EPB41L4B: variants seen among roughly 807,000 people sequenced by gnomAD.
EPB41L4B encodes the protein band 4.1-like protein 4B.
Under a neutral mutation model 112.5 loss-of-function variants are expected in EPB41L4B, and 30 were observed. That is an observed-to-expected ratio of 0.27 (90% confidence interval 0.20 to 0.36). The LOEUF (loss-of-function observed/expected upper bound fraction) is 0.36, where lower values mean the gene tolerates loss of function less well. Among genes scored for constraint, EPB41L4B ranks in the 10% least tolerant of loss-of-function variants. The pLI is 1.00. For missense variants in EPB41L4B, 1,024 were observed against 1,133.3 expected, an observed-to-expected ratio of 0.90 and a Z score of 1.38; for synonymous variants, 408 against 439.7, an observed-to-expected ratio of 0.93 and a Z score of 0.90.
chr9:109,254,895 T>C (rs1183292679), intron 11 of EPB41L4B, among the ~76,000 whole-genome samples: 1 of 152,230 alleles, frequency 6.6e-6, no homozygotes, highest in East Asian at 1.9e-4. Flanking sequence ...TTTCTGGACA[T>C]TGGCATGCAA....
chr9:109,175,595 C>A (rs1273382829), intron 25 of EPB41L4B, among the ~76,000 whole-genome samples: 2 of 151,616 alleles, frequency 1.3e-5, no homozygotes, highest in African/African-American at 2.4e-5. Flanking sequence ...AACTCCTGAA[C>A]TCCTGGCCTC....
intron 11 of EPB41L4B, 79 bp downstream of exon 11, chr9:109,255,432 C>T (rs1564297406): frequency 6.5e-7 from 1 of 1,544,566 alleles, no homozygotes. Flanking sequence ...AAATCCACTA[C>T]TCTATTCGCA....
intron 1 of EPB41L4B, among the ~76,000 whole-genome samples, chr9:109,307,832 T>C (rs1357957573): frequency 7.2e-6 from 1 of 139,092 alleles, no homozygotes; most frequent in African/African-American, 2.5e-5. Flanking sequence ...TCAGAAGAGA[T>C]GGCAGAGTCT....
intron 6 of EPB41L4B, among the ~76,000 whole-genome samples, chr9:109,262,451 G>GTA (rs59515417): frequency 1.3e-5 from 2 of 148,774 alleles, no homozygotes; most frequent in African/African-American, 2.5e-5. Flanking sequence ...GTGTGTGTGG[G>GTA]GGTGTGTGTG....
intron 22 of EPB41L4B, among the ~76,000 whole-genome samples, chr9:109,191,003 G>C (rs1157772871): frequency 6.6e-6 from 1 of 152,198 alleles, no homozygotes; most frequent in African/African-American, 2.4e-5. Context: ...GGTCCCCTGA[G>C]ATAGAGACCT....
intron 1 of EPB41L4B, among the ~76,000 whole-genome samples, chr9:109,295,979 A>G (rs1469065906): frequency 1.3e-5 from 2 of 152,230 alleles, no homozygotes; most frequent in Non-Finnish European, 2.9e-5. Context: ...TCTGTGCCAG[A>G]GGTTGAATTT....
chr9:109,296,331 A>G (rs1272922652), intron 1 of EPB41L4B, among the ~76,000 whole-genome samples: 4 of 152,178 alleles, frequency 2.6e-5, no homozygotes, highest in Non-Finnish European at 4.4e-5. Context: ...CTGAAATCAT[A>G]GTTTTGGAAT....
In EPB41L4B at chr9:109,320,310, G is replaced by C. The variant is rs1431534432; in HGVS notation, c.137C>G (p.Ser46Cys). 2.9e-6 allele frequency: 3 copies of C among 1,018,476 alleles called. No homozygotes were observed. The highest frequency in any genetic ancestry group is 4.5e-5 in the South Asian group (1 of 22,416). The allele number at this position is 1,018,476 out of a possible 1,614,324, so 63.1% of individuals were successfully genotyped here. The change falls in exon 1 of 26, where the codon TCC (serine) becomes TGC (cysteine). Residue 46 changes from serine (S) to cysteine (C), a missense_variant. Physicochemically the swap from Ser to Cys is moderately radical, Grantham distance 112. Coordinates refer to ENST00000374566, the MANE Select transcript of EPB41L4B (RefSeq NM_019114.5). ...GGGCGCGGCGGGCAGCGCCGAGGAG[G>C]AGGCGGCGGCGGCCGGGCCCCCCCG... ...GPRGGPAAAA[S>C]SSALPAAPGG...
chr9:109,310,179 C>T lies in EPB41L4B; in HGVS notation c.306+9962G>A, dbSNP rs186005362. On this transcript the variant is annotated intron_variant, in intron 1 of 25. Coordinates refer to ENST00000374566, the MANE Select transcript of EPB41L4B (RefSeq NM_019114.5). ...TGGAATAACTACAAAACAGTAAGAA[C>T]TCCAGTCATCTCACTGACACAAATT... Among the ~76,000 whole-genome samples the T allele has an allele frequency of 1.4e-3, 211 of 152,282 alleles. 1 individual carries two copies. Among genetic ancestry groups the T allele is most frequent in the African/African-American group, 4.9e-3 (202 of 41,550 alleles).
At chr9:109,312,305 T>C (rs1837440838) in intron 1 of EPB41L4B, among the ~76,000 whole-genome samples, 1 of 152,250 alleles carries the variant, frequency 6.6e-6, no homozygotes, top group Admixed American at 6.5e-5. Flanking sequence ...GTTGTTCTAC[T>C]AAGCACTTTT....
At chr9:109,304,544 C>T (rs1343139843) in intron 1 of EPB41L4B, among the ~76,000 whole-genome samples, 1 of 152,148 alleles carries the variant, frequency 6.6e-6, no homozygotes, top group Non-Finnish European at 1.5e-5. Flanking sequence ...TTCTAAAGGT[C>T]AAAGTCAACA....
chr9:109,190,109 C>G (rs777514177), intron 22 of EPB41L4B, among the ~76,000 whole-genome samples: 7 of 152,080 alleles, frequency 4.6e-5, no homozygotes, highest in Non-Finnish European at 7.4e-5. Context: ...CTAGGTTACG[C>G]TGGTTCTGAT....
chr9:109,221,821 G>C (rs570137224), intron 15 of EPB41L4B, among the ~76,000 whole-genome samples: 23 of 152,342 alleles, frequency 1.5e-4, no homozygotes, highest in African/African-American at 5.3e-4. Context: ...TTCAGGGCTG[G>C]AGGTGGAGTT....
chr9:109,257,199 C>A (rs1473314646), intron 7 of EPB41L4B, among the ~76,000 whole-genome samples: 1 of 152,076 alleles, frequency 6.6e-6, no homozygotes, highest in African/African-American at 2.4e-5. Flanking sequence ...GTCACAGGAG[C>A]TTTTCAGAAT....
At chr9:109,192,938 C>T (rs1170053203) in intron 21 of EPB41L4B, among the ~76,000 whole-genome samples, 2 of 152,168 alleles carry the variant, frequency 1.3e-5, no homozygotes, top group African/African-American at 4.8e-5. Flanking sequence ...GGAGAGGGAG[C>T]CCTGTGGCCT....
intron 1 of EPB41L4B, among the ~76,000 whole-genome samples, chr9:109,303,163 A>T (rs185232341): frequency 3.0e-4 from 46 of 152,124 alleles, no homozygotes; most frequent in African/African-American, 1.1e-3. Flanking sequence ...TTGTTGAAAA[A>T]ACTTTTTTCT....
intron 1 of EPB41L4B, among the ~76,000 whole-genome samples, chr9:109,313,592 C>A (rs1837504390): frequency 1.3e-5 from 2 of 152,226 alleles, no homozygotes; most frequent in Admixed American, 6.5e-5. Flanking sequence ...TCAACAAGAC[C>A]TTTAACCTGC....
chr9:109,247,822 A>T, intron 13 of EPB41L4B, 33 bp from the exon 14 acceptor site: 1 of 1,456,720 alleles, frequency 6.9e-7, no homozygotes, highest in Non-Finnish European at 9.2e-7. Context: ...AACAGAAAAA[A>T]AAAGAAAAAT....
At chr9:109,211,572 G>A (rs1382274215) in intron 17 of EPB41L4B, among the ~76,000 whole-genome samples, 2 of 148,118 alleles carry the variant, frequency 1.4e-5, no homozygotes, top group Non-Finnish European at 3.0e-5. Flanking sequence ...TCCAGCCTGG[G>A]AGACAGAGTG....
Sources: allele counts gnomAD v4.1 joint callset (sites outside exome capture counted in the v4.1 genomes callset), GRCh38; gene constraint gnomAD v4.1.1; transcripts MANE v1.5; gene names NCBI Gene and HGNC (gene_info 2026-07-23, HGNC 2026-07-21).